The following FFAR4 variants were observed in gnomAD, a reference collection of about 807,000 sequenced individuals.
FFAR4 encodes the protein free fatty acid receptor 4.
In FFAR4, 19 loss-of-function variants were observed where a neutral mutation model predicts 27.0. The observed-to-expected ratio is 0.70, with a 90% CI of 0.49 to 1.03. FFAR4 has a LOEUF of 1.03. Ranked by LOEUF, FFAR4 falls within the 50% of genes least tolerant of loss-of-function variation. The probability of loss-of-function intolerance (pLI) is 0.00; values close to 1 mark genes in which losing one functional copy is unlikely to be tolerated. For synonymous variants in FFAR4, 254 were observed against 215.6 expected, an observed-to-expected ratio of 1.18 and a Z score of -1.56; for missense variants, 476 against 479.0, an observed-to-expected ratio of 0.99 and a Z score of 0.06.
rs2058248316 is a variant in FFAR4 at position 93,589,189 on chromosome 10, A to G, written c.*1580A>G. ...GGGGCCTGTCAGTTGAGGCCAGAGA[A>G]ATTGCAGGGTTAGATCACATAGGGC... is the stretch of plus-strand genomic sequence containing the variant. On this transcript the variant is annotated 3_prime_UTR_variant, in exon 3 of 3. Coordinates refer to ENST00000371481, the MANE Select transcript of FFAR4 (RefSeq NM_001195755.2). 6.6e-6 allele frequency: 1 copy of G among 152,306 alleles called. No individual in the cohort carries two copies. The allele number at this position is 152,306 out of a possible 1,614,324, so 9.4% of individuals were successfully genotyped here.
chr10:93,583,947 G>A (rs2058213442), intron 2 of FFAR4, among the ~76,000 whole-genome samples: 1 of 152,222 alleles, frequency 6.6e-6, no homozygotes, highest in Non-Finnish European at 1.5e-5. Flanking sequence ...TTAGGATGGT[G>A]TGGGCAGCAA....
chr10:93,575,628 C>G (rs2058159396), intron 1 of FFAR4, among the ~76,000 whole-genome samples: 1 of 152,216 alleles, frequency 6.6e-6, no homozygotes, highest in African/African-American at 2.4e-5. Flanking sequence ...TGTCCTTCAG[C>G]TTACACAGTT....
chr10:93,573,874 CTG>C (rs1353632354), intron 1 of FFAR4, among the ~76,000 whole-genome samples: 3 of 152,122 alleles, frequency 2.0e-5, no homozygotes, highest in African/African-American at 7.2e-5. Flanking sequence ...TCATGGTGGT[CTG>C]TGTTTCATGT....
chr10:93,587,350 T>A lies in FFAR4; in HGVS notation c.827T>A (p.Met276Lys). Residue 276 changes from methionine (M) to lysine (K), a missense_variant, in exon 3 of 3, where the codon ATG becomes AAG. Coordinates refer to ENST00000371481, the MANE Select transcript of FFAR4 (RefSeq NM_001195755.2). ...CTCCTCATGGTCTCCTTCTTCATCATGTGGAGCCCCATCATCATCACCATC... is the reference window on the plus strand; with the variant it reads ...CTCCTCATGGTCTCCTTCTTCATCAAGTGGAGCCCCATCATCATCACCATC... The part of the protein sequence containing the change: ...LFLLMVSFFI[M>K]WSPIIITILL... 6.2e-7 allele frequency: 1 copy of A among 1,614,114 alleles called. No individual in the cohort carries two copies. The highest frequency in any genetic ancestry group is 8.5e-7 in the Non-Finnish European group (1 of 1,180,016).
In FFAR4 at chr10:93,567,011, C is replaced by T. The variant is rs1253819682; in HGVS notation, c.291C>T (p.Ala97=). 3.7e-6 allele frequency: 6 copies of T among 1,611,890 alleles called. No individual in the cohort carries two copies. Among genetic ancestry groups the T allele is most frequent in the Middle Eastern group, 3.3e-4 (2 of 6,062 alleles). The change falls in exon 1 of 3, where the codon GCC becomes GCT. Residue 97 remains alanine, a synonymous_variant. Coordinates refer to ENST00000371481, the MANE Select transcript of FFAR4 (RefSeq NM_001195755.2). ...LFISAIPLVL[A]VRWTEAWLLG... is the part of the protein sequence containing the mutation. ...TCAGCGCTATCCCTCTGGTGCTGGC[C>T]GTGCGCTGGACTGAGGCCTGGCTGC...
chr10:93,567,116 C>T lies in FFAR4; in HGVS notation c.396C>T (p.Val132=), dbSNP rs1451784548. ...GSVTILTLAA[V]SLERMVCIVH... ...TCACCATCCTCACGCTGGCCGCGGT[C>T]AGCCTGGAGCGCATGGTGTGCATCG... is the stretch of plus-strand genomic sequence containing the variant. The change falls in exon 1 of 3, where the codon GTC becomes GTT. Residue 132 remains valine, a synonymous_variant. Transcript: ENST00000371481. The T allele has an allele frequency of 1.2e-6, 2 of 1,608,356 alleles. No homozygotes were observed. The highest frequency in any genetic ancestry group is 8.5e-7 in the Non-Finnish European group (1 of 1,178,644).
In FFAR4 at chr10:93,589,602, T is replaced by C. The variant is rs2058250718; in HGVS notation, c.*1993T>C. 1 of 107,096 alleles carries C rather than the reference T, an allele frequency of 9.3e-6. No homozygotes were observed. Among genetic ancestry groups the C allele is most frequent in the Non-Finnish European group, 2.0e-5 (1 of 50,976 alleles). The allele number at this position is 107,096 out of a possible 1,614,324, so 6.6% of individuals were successfully genotyped here. A position where few individuals can be genotyped will look rare whatever the true frequency, so the allele number is the denominator to read the frequency against. Reference sequence around the variant, plus strand: ...AAAATGGGGGGGCCTGGGCAAAGATTAGGGGGGGGGGAGCCAAGAGTTTCA... The same window carrying C: ...AAAATGGGGGGGCCTGGGCAAAGATCAGGGGGGGGGGAGCCAAGAGTTTCA... On this transcript the variant is annotated 3_prime_UTR_variant, in exon 3 of 3. Coordinates refer to ENST00000371481, the MANE Select transcript of FFAR4 (RefSeq NM_001195755.2).
At chr10:93,567,380 A>G (rs2134536773) in intron 1 of FFAR4, 93 bp downstream of exon 1, 1 of 1,095,092 alleles carries the variant, frequency 9.1e-7, no homozygotes, top group South Asian at 1.5e-5. Context: ...ATCAAGAACA[A>G]CAATAGCCAT....
In FFAR4 at chr10:93,566,782, A is replaced by G; in HGVS notation, c.62A>G (p.Asn21Ser). The change falls in exon 1 of 3, where the codon AAC becomes AGC. Residue 21 changes from asparagine (N) to serine (S), a missense_variant. Transcript: ENST00000371481. ...CCCTTGCGCAGCCTGGAGCAAGCCA[A>G]CCGCACCCGCTTTCCCTTCTTCTCC... ...DAPLRSLEQA[N>S]RTRFPFFSDV... The G allele has an allele frequency of 1.9e-6, 3 of 1,608,778 alleles. No individual in the cohort carries two copies. The highest frequency in any genetic ancestry group is 2.5e-6 in the Non-Finnish European group (3 of 1,179,218).
chr10:93,576,576 A>G lies in FFAR4; in HGVS notation c.696+357A>G, dbSNP rs138444342. On this transcript the variant is annotated intron_variant, in intron 2 of 2. Transcript: ENST00000371481. The stretch of plus-strand genomic sequence containing the variant: ...TTATAAGCTTATGTATATGTCATGT[A>G]TACTGTGTGTGTATTTGATGAACCA... 3.8e-3 allele frequency among the ~76,000 whole-genome samples: 585 copies of G among 152,332 alleles called. 2 individuals are homozygous for G. Among genetic ancestry groups the G allele is most frequent in the African/African-American group, 0.014 (568 of 41,570 alleles).
At chr10:93,574,773 G>A (rs1203545102) in intron 1 of FFAR4, among the ~76,000 whole-genome samples, 1 of 151,982 alleles carries the variant, frequency 6.6e-6, no homozygotes, top group African/African-American at 2.4e-5. Flanking sequence ...GTGCTCCTGT[G>A]GTCCCAGCTA....
chr10:93,570,244 C>A (rs2058124370), intron 1 of FFAR4, among the ~76,000 whole-genome samples: 1 of 150,998 alleles, frequency 6.6e-6, no homozygotes, highest in South Asian at 2.1e-4. Flanking sequence ...ACCCAACAAA[C>A]AGAAAAAACC....
At chr10:93,568,247 C>T (rs1004682445) in intron 1 of FFAR4, among the ~76,000 whole-genome samples, 1 of 152,076 alleles carries the variant, frequency 6.6e-6, no homozygotes, top group Non-Finnish European at 1.5e-5. Context: ...GGACAGTGGC[C>T]GCCGTCTGGC....
chr10:93,585,992 C>T (rs995076724), intron 2 of FFAR4, among the ~76,000 whole-genome samples: 3 of 152,172 alleles, frequency 2.0e-5, no homozygotes, highest in Non-Finnish European at 2.9e-5. Flanking sequence ...AGGAAAGGAA[C>T]CTAGGGTGGG....
intron 1 of FFAR4, among the ~76,000 whole-genome samples, chr10:93,573,771 C>T (rs1007027687): frequency 5.9e-5 from 9 of 152,122 alleles, no homozygotes; most frequent in East Asian, 1.9e-4. Context: ...AAAAGGAGAA[C>T]GAGCGTCTTT....
At chr10:93,571,944 G>A (rs544677443) in intron 1 of FFAR4, among the ~76,000 whole-genome samples, 5 of 152,292 alleles carry the variant, frequency 3.3e-5, no homozygotes, top group Admixed American at 6.5e-5. Flanking sequence ...GAACTTATTT[G>A]CAAACAGGCA....
intron 2 of FFAR4, among the ~76,000 whole-genome samples, chr10:93,582,882 A>C (rs1430507313): frequency 6.6e-6 from 1 of 152,166 alleles, no homozygotes; most frequent in East Asian, 1.9e-4. Flanking sequence ...GCATGGTGGC[A>C]GGAGAGAGAA....
At chr10:93,579,074 T>C in intron 2 of FFAR4, 3 of 1,247,966 alleles carry the variant, frequency 2.4e-6, no homozygotes, top group Non-Finnish European at 3.5e-6. Flanking sequence ...GCTGTCCTTT[T>C]AGCCACCCAC....
intron 1 of FFAR4, among the ~76,000 whole-genome samples, chr10:93,573,147 C>A (rs1173349803): frequency 6.6e-6 from 1 of 152,200 alleles, no homozygotes. Context: ...AGTGTCCTAG[C>A]GCTTCTCTGC....
Sources: gnomAD v4.1 joint callset for allele counts (sites outside exome capture counted in the v4.1 genomes callset) on GRCh38, gnomAD v4.1.1 for gene constraint, MANE v1.5 for transcripts, NCBI Gene and HGNC (gene_info 2026-07-23, HGNC 2026-07-21) for gene names.